MAP4: variants seen among roughly 807,000 people sequenced by gnomAD.
MAP4 encodes the protein microtubule-associated protein 4.
MAP4 carries 76 observed loss-of-function variants against 170.2 expected under a neutral mutation model. That is an observed-to-expected ratio of 0.45 (90% CI 0.37 to 0.54). MAP4 has a LOEUF of 0.54. Ranked by LOEUF, MAP4 falls within the 20% of genes least tolerant of loss-of-function variation. The probability of loss-of-function intolerance (pLI) is 0.00; values close to 1 mark genes in which losing one functional copy is unlikely to be tolerated. For synonymous variants in MAP4, 909 were observed against 994.5 expected (o/e 0.91, Z 1.62); for missense variants, 2,506 against 2,748.0 (o/e 0.91, Z 1.97).
rs925429285 is a variant in MAP4 at position 47,948,443 on chromosome 3, C to T, written c.293-20093G>A. Among the ~76,000 whole-genome samples, 16 of 150,794 alleles carry T rather than the reference C, an allele frequency of 1.1e-4. No individual in the cohort carries two copies. In the East Asian group the frequency reaches 3.1e-3, roughly 29 times the overall value. On this transcript the variant is annotated intron_variant, in intron 3 of 20. Transcript: ENST00000683076. ...CTCACTATGTTGCCCAGGCTGGTCT[C>T]GAACTCCTGGGCTCAAGCAATCTTT...
At chr3:47,878,817 C>T (rs1259656851) in intron 10 of MAP4, among the ~76,000 whole-genome samples, 1 of 151,610 alleles carries the variant, frequency 6.6e-6, no homozygotes, top group Non-Finnish European at 1.5e-5. Context: ...GGATTACAGG[C>T]ATGAACCACC....
At position 47,912,243 on chromosome 3, in the gene MAP4, C is replaced by A. The variant is rs34025851; in HGVS notation, c.2178G>T (p.Trp726Cys). The A allele has an allele frequency of 0.3, 461,881 of 1,535,732 alleles. 71,245 individuals are homozygous for A. The highest frequency in any genetic ancestry group is 0.37 in the South Asian group (31,315 of 84,046). Residue 726 changes from tryptophan to cysteine, a missense_variant, in exon 9 of 21, where the codon TGG becomes TGT. Trp to Cys is a radical substitution (Grantham distance 215). This residue lies in a region of MAP4 where 2,008 missense variants were observed against 2,206.0 expected (regional missense o/e 0.91). Transcript: ENST00000683076. ...CACCACAGGAGGATGAACCAGAGAC[C>A]CAACCTGACTCAGACAAAGAGCAGT... is the stretch of plus-strand genomic sequence containing the variant. ...LGHCSLSESG[W>C]VSGSSSCGGP...
At position 48,050,815 on chromosome 3, in the gene MAP4, G is replaced by A. The variant is rs945080740; in HGVS notation, c.-20+37958C>T. On this transcript the variant is annotated intron_variant, in intron 1 of 18. Transcript: ENST00000360240. The stretch of plus-strand genomic sequence containing the variant: ...AGCTACTCGGGAGGCTGAGGCAAGA[G>A]AATCGCTTGAACCCAGGAGGCAGAG... Among the ~76,000 whole-genome samples, 6 of 150,852 alleles carry A rather than the reference G, an allele frequency of 4.0e-5. No individual in the cohort carries two copies. The South Asian group carries it at 6.3e-4, about 16-fold the overall frequency.
chr3:47,916,169 T>C lies in MAP4; in HGVS notation c.1658A>G (p.Lys553Arg). 4.3e-6 allele frequency: 7 copies of C among 1,614,190 alleles called. No individual in the cohort carries two copies. The highest frequency in any genetic ancestry group is 5.1e-6 in the Non-Finnish European group (6 of 1,180,024). ...ATCCTTAGCCAGGGGTGCTTCTGTTTTGAGGGCTGGGACCTGATCCTCAGT... is the reference window on the plus strand; with the variant it reads ...ATCCTTAGCCAGGGGTGCTTCTGTTCTGAGGGCTGGGACCTGATCCTCAGT... Reference protein sequence around the residue: ...ALTEDQVPALKTEAPLAKDGV... With the variant: ...ALTEDQVPALRTEAPLAKDGV... The change falls in exon 7 of 21, where the codon AAA becomes AGA. Residue 553 changes from lysine to arginine, a missense_variant. Around this residue, in one of 3 missense-constraint regions of MAP4, gnomAD observed 2,008 missense variants for 2,206.0 expected, o/e 0.91. Transcript: ENST00000683076.
At chr3:47,918,691 C>A in intron 6 of MAP4, 28 bp downstream of exon 6, 1 of 1,576,898 alleles carries the variant, frequency 6.3e-7, no homozygotes, top group South Asian at 1.1e-5. Context: ...CAACCATTAA[C>A]TGATAAAGGG....
chr3:47,961,729 T>C (rs992178742), intron 3 of MAP4, among the ~76,000 whole-genome samples: 1 of 152,120 alleles, frequency 6.6e-6, no homozygotes, highest in African/African-American at 2.4e-5. Context: ...TCTTCTTACT[T>C]CCATGGTGCT....
chr3:47,915,241 C>T (rs1359841600), intron 7 of MAP4, among the ~76,000 whole-genome samples: 1 of 151,930 alleles, frequency 6.6e-6, no homozygotes, highest in Non-Finnish European at 1.5e-5. Context: ...CTCAGCCTCC[C>T]GAGTAGCTGG....
At chr3:47,936,453 G>C (rs1049165625) in intron 3 of MAP4, among the ~76,000 whole-genome samples, 8 of 151,408 alleles carry the variant, frequency 5.3e-5, no homozygotes, top group African/African-American at 1.9e-4. Flanking sequence ...AAAGAAAAAA[G>C]GGGGAGGAGA....
intron 8 of MAP4, among the ~76,000 whole-genome samples, chr3:47,914,305 C>G (rs1335146493): frequency 2.0e-5 from 3 of 152,096 alleles, no homozygotes; most frequent in African/African-American, 7.2e-5. Context: ...CGCCTGTAAT[C>G]CCAACACTTT....
At chr3:48,071,917 A>AT (rs1441049726) in intron 1 of MAP4, among the ~76,000 whole-genome samples, 1 of 151,366 alleles carries the variant, frequency 6.6e-6, no homozygotes, top group Non-Finnish European at 1.5e-5. Context: ...AAAATAAAAA[A>AT]TAAAAATAAA....
chr3:47,950,970 A>G (rs1210079987), intron 3 of MAP4, among the ~76,000 whole-genome samples: 1 of 152,226 alleles, frequency 6.6e-6, no homozygotes, highest in East Asian at 1.9e-4. Context: ...ACCAAATAGC[A>G]AGACCTAATC....
At chr3:47,891,076 G>A (rs1238814616) in intron 10 of MAP4, 4 of 1,532,662 alleles carry the variant, frequency 2.6e-6, no homozygotes, top group African/African-American at 1.4e-5. Context: ...GGGTTGCAGT[G>A]ACCTCAATTT....
chr3:47,971,313 T>C (rs1007309112), intron 3 of MAP4, among the ~76,000 whole-genome samples: 2 of 152,224 alleles, frequency 1.3e-5, no homozygotes, highest in African/African-American at 2.4e-5. Context: ...GTGGCTCCAA[T>C]AGCTGTTCAG....
intron 1 of MAP4, among the ~76,000 whole-genome samples, chr3:48,026,653 A>C (rs898674059): frequency 6.6e-6 from 1 of 152,172 alleles, no homozygotes; most frequent in African/African-American, 2.4e-5. Context: ...TCTTATCTCA[A>C]ATTAATAAAA....
intron 3 of MAP4, among the ~76,000 whole-genome samples, chr3:47,949,016 C>A (rs1283148991): frequency 1.3e-5 from 2 of 152,170 alleles, no homozygotes; most frequent in Admixed American, 1.3e-4. Flanking sequence ...CTAGGTCAAA[C>A]TGCAGTTTTT....
At chr3:47,969,033 C>T (rs377643413) in intron 3 of MAP4, among the ~76,000 whole-genome samples, 1 of 151,968 alleles carries the variant, frequency 6.6e-6, no homozygotes, top group Non-Finnish European at 1.5e-5. Flanking sequence ...CTAAAACTAA[C>T]TAAAGAAAAA....
In MAP4 at chr3:47,911,313, C is replaced by A. The variant is rs1330662328; in HGVS notation, c.3108G>T (p.Leu1036=). Residue 1036 remains leucine, a synonymous_variant, in exon 9 of 21, where the codon CTG becomes CTT. Transcript: ENST00000683076. This position sits in a 1 kb window ranked among gnomAD's most constrained non-coding sequence, Gnocchi z 4.0. ...QEISIFTSEQ[L]QGQVLVQVPG... ...GGACCTGTACCAACACTTGGCCCTG[C>A]AGCTGCTCAGAAGTAAAGATGCTGA... is the stretch of plus-strand genomic sequence containing the variant. 6.5e-7 allele frequency: 1 copy of A among 1,536,158 alleles called. No homozygotes were observed.
At position 48,021,686 on chromosome 3, in the gene MAP4, G is replaced by A. The variant is rs181390262; in HGVS notation, c.-19-22807C>T. On this transcript the variant is annotated intron_variant, in intron 1 of 18. Coordinates refer to the MAP4 transcript ENST00000360240. Reference sequence around the variant, plus strand: ...ACATAACCCCAAGCAAAGTCCAGTAGGTTTTTTCTTTTCAAATCAAACTGA... The same window carrying A: ...ACATAACCCCAAGCAAAGTCCAGTAAGTTTTTTCTTTTCAAATCAAACTGA... Among the ~76,000 whole-genome samples, 6 of 152,178 alleles carry A rather than the reference G, an allele frequency of 3.9e-5. No individual in the cohort carries two copies. The East Asian group carries it at 9.7e-4, about 24-fold the overall frequency.
At chr3:47,982,039 A>G (rs1578737955) in intron 2 of MAP4, among the ~76,000 whole-genome samples, 1 of 152,030 alleles carries the variant, frequency 6.6e-6, no homozygotes, top group African/African-American at 2.4e-5. Flanking sequence ...AATCCCAGCA[A>G]TTTGGGAAGC....
Sources: allele counts gnomAD v4.1 joint callset (sites outside exome capture counted in the v4.1 genomes callset), GRCh38; gene constraint gnomAD v4.1.1; regional missense constraint gnomAD v4.1.1; non-coding constraint Gnocchi (gnomAD v3.1); transcripts MANE v1.5; gene names NCBI Gene and HGNC (gene_info 2026-07-23, HGNC 2026-07-21).